Variants in RABGAP1L observed in about 807,000 individuals in gnomAD.
The protein encoded by RABGAP1L is rab GTPase-activating protein 1-like.
A neutral mutation model predicts 137.7 loss-of-function variants in RABGAP1L; 63 were observed. The observed-to-expected ratio is 0.46, with a 90% CI of 0.37 to 0.56. RABGAP1L has a LOEUF of 0.56. Ranked by LOEUF, RABGAP1L falls within the 20% of genes least tolerant of loss-of-function variation. The pLI is 0.00. For missense variants in RABGAP1L, 1,095 were observed against 1,244.0 expected, an observed-to-expected ratio of 0.88 and a Z score of 1.80; for synonymous variants, 431 against 433.7, an observed-to-expected ratio of 0.99 and a Z score of 0.08.
At chr1:174,217,825 T>A (rs910387831) in intron 1 of RABGAP1L, among the ~76,000 whole-genome samples, 2 of 152,180 alleles carry the variant, frequency 1.3e-5, no homozygotes, top group Non-Finnish European at 2.9e-5. Context: ...AGTAATTACT[T>A]TTTAAAAGAT....
intron 11 of RABGAP1L, among the ~76,000 whole-genome samples, chr1:174,369,548 A>T (rs564456509): frequency 6.6e-6 from 1 of 152,214 alleles, no homozygotes; most frequent in African/African-American, 2.4e-5. Context: ...AAAAATTATA[A>T]ATGTTATAAA....
At chr1:174,431,685 T>C (rs145240410) in intron 13 of RABGAP1L, among the ~76,000 whole-genome samples, 4 of 152,328 alleles carry the variant, frequency 2.6e-5, no homozygotes, top group Non-Finnish European at 4.4e-5. Context: ...TCATAAAATA[T>C]AGAGTTATGT....
chr1:174,629,886 T>A (rs1220185803), intron 13 of RABGAP1L, among the ~76,000 whole-genome samples: 2 of 152,168 alleles, frequency 1.3e-5, no homozygotes, highest in African/African-American at 4.8e-5. Context: ...CCTTTATTTC[T>A]TAAATATGGA....
intron 19 of RABGAP1L, among the ~76,000 whole-genome samples, chr1:174,879,020 G>A (rs534079235): frequency 2.9e-4 from 38 of 129,532 alleles, no homozygotes; most frequent in African/African-American, 1.0e-3. Flanking sequence ...TGCAACCTCC[G>A]CCTTCTCAGG....
At chr1:174,384,024 A>G (rs1045703084) in intron 12 of RABGAP1L, among the ~76,000 whole-genome samples, 1 of 152,146 alleles carries the variant, frequency 6.6e-6, no homozygotes, top group East Asian at 1.9e-4. Context: ...ACTGCAAACA[A>G]CCCAAATGTC....
intron 17 of RABGAP1L, among the ~76,000 whole-genome samples, chr1:174,712,788 C>T (rs909916179): frequency 6.6e-6 from 1 of 152,166 alleles, no homozygotes; most frequent in Non-Finnish European, 1.5e-5. Context: ...TACTTACTTA[C>T]TCCTCCAACC....
chr1:174,615,591 C>A (rs1354090377), intron 13 of RABGAP1L, among the ~76,000 whole-genome samples: 1 of 152,200 alleles, frequency 6.6e-6, no homozygotes, highest in Non-Finnish European at 1.5e-5. Context: ...CTGAGAGAAC[C>A]ACTGCTGTCT....
chr1:174,892,896 A>ATTTT (rs748971722), intron 19 of RABGAP1L, among the ~76,000 whole-genome samples: 13 of 91,862 alleles, frequency 1.4e-4, no homozygotes, highest in East Asian at 5.9e-4. Context: ...CACCCAGCTA[A>ATTTT]TTTTTTTTTT....
intron 13 of RABGAP1L, among the ~76,000 whole-genome samples, chr1:174,426,931 G>A (rs151042563): frequency 1.4e-3 from 216 of 152,202 alleles, no homozygotes; most frequent in Non-Finnish European, 2.7e-3. Flanking sequence ...GGGAAGATCA[G>A]TCAATCATAA....
chr1:174,653,187 A>G (rs2436180), intron 14 of RABGAP1L, among the ~76,000 whole-genome samples: 150,141 of 152,296 alleles, frequency 0.99, 74,018 homozygotes, highest in East Asian at 1. Flanking sequence ...TCAGACTGCT[A>G]TGCTGGCAGT....
At chr1:174,347,717 A>G (rs768128797) in intron 11 of RABGAP1L, among the ~76,000 whole-genome samples, 1 of 152,062 alleles carries the variant, frequency 6.6e-6, no homozygotes, top group Non-Finnish European at 1.5e-5. Flanking sequence ...GATGGTCTCG[A>G]TCTCCTGACC....
At chr1:174,587,551 A>G (rs1005210830) in intron 13 of RABGAP1L, among the ~76,000 whole-genome samples, 2 of 152,074 alleles carry the variant, frequency 1.3e-5, no homozygotes, top group African/African-American at 4.8e-5. Context: ...AGAGAGAGCA[A>G]GAATTTGTTC....
At chr1:174,187,150 G>A (rs1203972834) in intron 1 of RABGAP1L, among the ~76,000 whole-genome samples, 3 of 152,022 alleles carry the variant, frequency 2.0e-5, no homozygotes, top group East Asian at 1.9e-4. Context: ...CTTCTCAAAT[G>A]TTCTGTCCTC....
At chr1:174,613,906 C>A (rs1284297595) in intron 13 of RABGAP1L, among the ~76,000 whole-genome samples, 1 of 151,984 alleles carries the variant, frequency 6.6e-6, no homozygotes, top group East Asian at 1.9e-4. Flanking sequence ...TTTCCATTTG[C>A]TTGGTAGATC....
chr1:174,350,859 T>A (rs367747403), intron 11 of RABGAP1L, among the ~76,000 whole-genome samples: 1 of 89,856 alleles, frequency 1.1e-5, no homozygotes, highest in East Asian at 3.2e-4. Context: ...GAGGCCGAGG[T>A]TGGCGGATCA....
rs935963221 is a variant in RABGAP1L, at chr1:174,272,555, C to T, written c.1053+75C>T. ...ATATTTGACAAGTATTTTCTATTTACAAATTTTGTCATATTGTCAAAATTA... is the reference window on the plus strand; with the variant it reads ...ATATTTGACAAGTATTTTCTATTTATAAATTTTGTCATATTGTCAAAATTA... On this transcript the variant is annotated intron_variant, in intron 8 of 25. Coordinates refer to ENST00000681986, the MANE Select transcript of RABGAP1L (RefSeq NM_001366446.1). 61 of 1,391,444 alleles carry T rather than the reference C, an allele frequency of 4.4e-5. 1 individual carries two copies. Among genetic ancestry groups the T allele is most frequent in the Admixed American group, 1.5e-4 (5 of 34,266 alleles). 86.2% of individuals were successfully genotyped at this position (1,391,444 alleles called of 1,614,324 possible).
chr1:174,550,990 A>ATATATATATATATG lies in RABGAP1L; in HGVS notation c.1711-86379_1711-86378insTATATATGTATATA, dbSNP rs1558334348. Among the ~76,000 whole-genome samples the ATATATATATATATG allele has an allele frequency of 3.4e-4, 33 of 96,288 alleles. 1 individual carries two copies. Among genetic ancestry groups the ATATATATATATATG allele is most frequent in the African/African-American group, 2.4e-3 (32 of 13,440 alleles). 63.2% of individuals were successfully genotyped at this position (96,288 alleles called of 152,430 possible). A position where few individuals can be genotyped will look rare whatever the true frequency, so the allele number is the denominator to read the frequency against. On this transcript the variant is annotated intron_variant, in intron 13 of 25. Coordinates refer to ENST00000681986, the MANE Select transcript of RABGAP1L (RefSeq NM_001366446.1). ...TATATACATGTATATATACATATAT[A>ATATATATATATATG]TATATACACATATATATATATATAT...
intron 14 of RABGAP1L, among the ~76,000 whole-genome samples, chr1:174,673,394 A>G (rs1227677309): frequency 6.6e-6 from 1 of 152,082 alleles, no homozygotes; most frequent in Non-Finnish European, 1.5e-5. Flanking sequence ...TTTTAGACTG[A>G]GTGATTGCCT....
chr1:174,691,252 T>C (rs978048477), intron 15 of RABGAP1L, among the ~76,000 whole-genome samples: 3 of 152,228 alleles, frequency 2.0e-5, no homozygotes, highest in Non-Finnish European at 4.4e-5. Flanking sequence ...AGTTTTACAC[T>C]AACTATGGGG....
Sources: gnomAD v4.1 joint callset for allele counts (sites outside exome capture counted in the v4.1 genomes callset) on GRCh38, gnomAD v4.1.1 for gene constraint, MANE v1.5 for transcripts, NCBI Gene and HGNC (gene_info 2026-07-23, HGNC 2026-07-21) for gene names.